GRIA2: variants seen among roughly 807,000 people sequenced by gnomAD.
The protein encoded by GRIA2 is glutamate receptor 2.
A neutral mutation model predicts 97.3 loss-of-function variants in GRIA2; 14 were observed. That is an observed-to-expected ratio of 0.14 (90% CI 0.10 to 0.23). The LOEUF is 0.23. Among genes scored for constraint, GRIA2 ranks in the 10% least tolerant of loss-of-function variants. The pLI, the probability that GRIA2 is intolerant of heterozygous loss-of-function variation, is 1.00. For synonymous variants in GRIA2, 412 were observed against 387.8 expected, an observed-to-expected ratio of 1.06 and a Z score of -0.73; for missense variants, 558 against 1,069.8, an observed-to-expected ratio of 0.52 and a Z score of 6.67.
intron 2 of GRIA2, among the ~76,000 whole-genome samples, chr4:157,300,123 T>C (rs1733550843): frequency 6.6e-6 from 1 of 151,942 alleles, no homozygotes; most frequent in African/African-American, 2.4e-5. Flanking sequence ...CATTACAGGA[T>C]GGATCAAAGT....
At chr4:157,315,798 C>T (rs1378837709) in intron 4 of GRIA2, among the ~76,000 whole-genome samples, 1 of 152,126 alleles carries the variant, frequency 6.6e-6, no homozygotes, top group African/African-American at 2.4e-5. Context: ...CTTGGCCTCC[C>T]AAAGTGCTGG....
chr4:157,221,138 C>T lies in GRIA2; in HGVS notation c.88+8C>T, dbSNP rs1451555666. ...CTAACAGCATACAGATAGGTAGGTA[C>T]CCTTTGTGCTATGCTTTTGAATTGT... On this transcript the variant is annotated splice_region_variant and intron_variant, in intron 1 of 15. Transcript: ENST00000264426. 3 of 1,347,710 alleles carry T rather than the reference C, an allele frequency of 2.2e-6. No individual in the cohort carries two copies. The highest frequency in any genetic ancestry group is 3.2e-6 in the Non-Finnish European group (3 of 937,120). The allele number at this position is 1,347,710 out of a possible 1,614,324, so 83.5% of individuals were successfully genotyped here.
chr4:157,241,599 T>C (rs1730515023), intron 2 of GRIA2, among the ~76,000 whole-genome samples: 1 of 152,140 alleles, frequency 6.6e-6, no homozygotes, highest in Admixed American at 6.6e-5. Flanking sequence ...TCTGATATTG[T>C]AGCTTTAAAC....
intron 2 of GRIA2, among the ~76,000 whole-genome samples, chr4:157,291,272 G>T (rs1733088387): frequency 1.3e-5 from 2 of 151,738 alleles, no homozygotes; most frequent in Admixed American, 1.3e-4. Context: ...CCTCTCAATG[G>T]TTTAGCTCCA....
intron 2 of GRIA2, among the ~76,000 whole-genome samples, chr4:157,264,182 A>G (rs1404793103): frequency 6.6e-6 from 1 of 152,098 alleles, no homozygotes; most frequent in Non-Finnish European, 1.5e-5. Context: ...CTGCCATAAC[A>G]AATTACTACA....
At chr4:157,254,798 G>T (rs570088641) in intron 2 of GRIA2, among the ~76,000 whole-genome samples, 1 of 151,980 alleles carries the variant, frequency 6.6e-6, no homozygotes, top group Non-Finnish European at 1.5e-5. Context: ...ATAAGTAGAG[G>T]ATACTCACTG....
intron 2 of GRIA2, among the ~76,000 whole-genome samples, chr4:157,259,843 A>C (rs1456899556): frequency 6.6e-6 from 1 of 152,118 alleles, no homozygotes; most frequent in Admixed American, 6.6e-5. Context: ...ACACCATTAC[A>C]TCTGTACTTT....
intron 2 of GRIA2, among the ~76,000 whole-genome samples, chr4:157,278,547 T>C (rs1427377303): frequency 2.0e-5 from 3 of 151,924 alleles, no homozygotes; most frequent in Non-Finnish European, 4.4e-5. Context: ...AAAATCTACA[T>C]GGTTTTGGGC....
At chr4:157,314,542 T>C (rs889474285) in intron 4 of GRIA2, among the ~76,000 whole-genome samples, 4 of 152,280 alleles carry the variant, frequency 2.6e-5, no homozygotes, top group African/African-American at 9.6e-5. Context: ...AAAATGCATT[T>C]GAATTTCATA....
intron 2 of GRIA2, among the ~76,000 whole-genome samples, chr4:157,293,920 T>A (rs1276991344): frequency 6.6e-6 from 1 of 152,088 alleles, no homozygotes; most frequent in African/African-American, 2.4e-5. Flanking sequence ...CCTTGGCAAT[T>A]TAGAGATGAA....
At chr4:157,340,440 G>C (rs185849829) in intron 11 of GRIA2, among the ~76,000 whole-genome samples, 14 of 151,536 alleles carry the variant, frequency 9.2e-5, no homozygotes, top group African/African-American at 3.4e-4. Flanking sequence ...TAAATTATTG[G>C]GTATCTATTA....
intron 2 of GRIA2, among the ~76,000 whole-genome samples, chr4:157,289,930 G>A (rs1733018582): frequency 6.6e-6 from 1 of 151,740 alleles, no homozygotes; most frequent in Admixed American, 6.6e-5. Flanking sequence ...ACGTTTTCTA[G>A]CTGCTTCTAG....
intron 2 of GRIA2, among the ~76,000 whole-genome samples, chr4:157,280,742 C>T (rs1732555815): frequency 1.3e-5 from 2 of 151,896 alleles, no homozygotes; most frequent in Admixed American, 1.3e-4. Flanking sequence ...CATTCCTCTG[C>T]TTGTATTACA....
chr4:157,277,830 A>G (rs1732397995), intron 2 of GRIA2, among the ~76,000 whole-genome samples: 1 of 145,690 alleles, frequency 6.9e-6, no homozygotes, highest in African/African-American at 2.5e-5. Flanking sequence ...ATATATGTAT[A>G]TATGTATATA....
chr4:157,231,694 T>G (rs1730026587), intron 2 of GRIA2, among the ~76,000 whole-genome samples: 1 of 152,200 alleles, frequency 6.6e-6, no homozygotes, highest in Admixed American at 6.5e-5. Context: ...TTGCTTGAGG[T>G]AACTGAAATG....
intron 12 of GRIA2, among the ~76,000 whole-genome samples, chr4:157,358,994 G>A (rs1022813729): frequency 6.6e-6 from 1 of 152,088 alleles, no homozygotes; most frequent in African/African-American, 2.4e-5. Flanking sequence ...AACAAAAGGG[G>A]TTATTCAAAG....
Position 157,306,989 on chromosome 4 carries a change from C to G in GRIA2, c.469+3198C>G, listed in dbSNP as rs138066234. ...CTTAGATCTCTACATGCCTCAGTTT[C>G]AAACAATTTGGTCTGTTCTTGATGG... On this transcript the variant is annotated intron_variant, in intron 3 of 15. Coordinates refer to ENST00000264426, the MANE Select transcript of GRIA2 (RefSeq NM_001083619.3). 6.0e-3 allele frequency among the ~76,000 whole-genome samples: 914 copies of G among 152,244 alleles called. 9 individuals are homozygous for G. The highest frequency in any genetic ancestry group is 0.021 in the African/African-American group (880 of 41,558).
intron 2 of GRIA2, among the ~76,000 whole-genome samples, chr4:157,230,931 T>G (rs1482026081): frequency 6.6e-6 from 1 of 152,062 alleles, no homozygotes; most frequent in Non-Finnish European, 1.5e-5. Flanking sequence ...ACAGCTCGCT[T>G]CAGTCTTGAG....
At chr4:157,284,716 T>C (rs1376591129) in intron 2 of GRIA2, among the ~76,000 whole-genome samples, 2 of 151,732 alleles carry the variant, frequency 1.3e-5, no homozygotes, top group African/African-American at 4.8e-5. Context: ...GCAGATTGAC[T>C]ATCTTCTGTA....
Sources: gnomAD v4.1 joint callset for allele counts (sites outside exome capture counted in the v4.1 genomes callset) on GRCh38, gnomAD v4.1.1 for gene constraint, MANE v1.5 for transcripts, NCBI Gene and HGNC (gene_info 2026-07-23, HGNC 2026-07-21) for gene names.